MARCHF8: variants seen among roughly 807,000 people sequenced by gnomAD.
The protein encoded by MARCHF8 is membrane associated ring-CH-type finger 8, also known as E3 ubiquitin-protein ligase MARCHF8.
In MARCHF8, 40 loss-of-function variants were observed where a neutral mutation model predicts 51.6. The ratio of observed to expected loss-of-function variants is 0.77; its 90% CI spans 0.60 to 1.01. The LOEUF (loss-of-function observed/expected upper bound fraction) is 1.01, where lower values mean the gene tolerates loss of function less well. Among genes scored for constraint, MARCHF8 ranks in the 50% least tolerant of loss-of-function variants. The probability of loss-of-function intolerance (pLI) is 0.00; values close to 1 mark genes in which losing one functional copy is unlikely to be tolerated. For synonymous variants in MARCHF8, 263 were observed against 280.3 expected, an observed-to-expected ratio of 0.94 and a Z score of 0.62; for missense variants, 685 against 708.6, an observed-to-expected ratio of 0.97 and a Z score of 0.38.
chr10:45,520,090 T>G (rs2043683398), intron 2 of MARCHF8, among the ~76,000 whole-genome samples: 1 of 152,170 alleles, frequency 6.6e-6, no homozygotes, highest in Admixed American at 6.5e-5. Context: ...TACCCAACCT[T>G]TTTGATTCTC....
chr10:45,551,595 A>G (rs1376011375), intron 1 of MARCHF8, among the ~76,000 whole-genome samples: 1 of 152,072 alleles, frequency 6.6e-6, no homozygotes, highest in Non-Finnish European at 1.5e-5. Flanking sequence ...GTGGGCCTCA[A>G]CCAATCAGTT....
intron 2 of MARCHF8, among the ~76,000 whole-genome samples, chr10:45,517,098 A>G (rs4949005): frequency 0.75 from 113,775 of 152,186 alleles, 42,636 homozygotes; most frequent in Middle Eastern, 0.79. Context: ...TAGCACAACA[A>G]GAAGTCAAAA....
chr10:45,562,874 G>C (rs1428876768), intron 1 of MARCHF8, among the ~76,000 whole-genome samples: 1 of 151,704 alleles, frequency 6.6e-6, no homozygotes, highest in Non-Finnish European at 1.5e-5. Context: ...CATGAGGAAG[G>C]GGAGGTCATT....
intron 3 of MARCHF8, among the ~76,000 whole-genome samples, chr10:45,482,105 TC>T (rs2133048463): frequency 6.6e-6 from 1 of 152,118 alleles, no homozygotes; most frequent in South Asian, 2.1e-4. Flanking sequence ...ATAAATTTAA[TC>T]AAAGAGGTGA....
At chr10:45,493,835 C>G (rs1361175994) in intron 2 of MARCHF8, among the ~76,000 whole-genome samples, 2 of 152,150 alleles carry the variant, frequency 1.3e-5, no homozygotes, top group African/African-American at 4.8e-5. Context: ...AGGACAGTAG[C>G]TATTCACGAG....
Position 45,484,815 on chromosome 10 carries a change from A to G in MARCHF8, c.153+4552T>C, listed in dbSNP as rs561802450. Among the ~76,000 whole-genome samples, 5 of 152,324 alleles carry G rather than the reference A, an allele frequency of 3.3e-5. 1 individual carries two copies. The South Asian group carries it at 1.0e-3, about 32-fold the overall frequency. ...GAATTTGGCTTGTTTGAAAATCATC[A>G]AGGTAGACACCATACCTAGATCATC... On this transcript the variant is annotated intron_variant, in intron 3 of 7. Transcript: ENST00000453424.
At chr10:45,580,260 G>A (rs1487454206) in intron 1 of MARCHF8, among the ~76,000 whole-genome samples, 1 of 152,020 alleles carries the variant, frequency 6.6e-6, no homozygotes, top group Non-Finnish European at 1.5e-5. Flanking sequence ...CATAATAAAT[G>A]TTAAGAGAAT....
At chr10:45,523,526 AAAT>A (rs1260226111) in intron 2 of MARCHF8, among the ~76,000 whole-genome samples, 2 of 152,240 alleles carry the variant, frequency 1.3e-5, no homozygotes, top group African/African-American at 4.8e-5. Flanking sequence ...TCTCTAAACT[AAAT>A]AAATAAAAAC....
At chr10:45,580,307 T>TA (rs918080569) in intron 1 of MARCHF8, among the ~76,000 whole-genome samples, 64 of 147,752 alleles carry the variant, frequency 4.3e-4, no homozygotes, top group East Asian at 9.8e-4. Context: ...TGATCTTAAG[T>TA]AAAAAAAAAA....
At chr10:45,537,256 C>T (rs553159148), upstream of MARCHF8, among the ~76,000 whole-genome samples, 209 of 152,192 alleles carry the variant, frequency 1.4e-3, no homozygotes, top group African/African-American at 4.6e-3. Context: ...AAATGATAAA[C>T]GGATAAATCA....
chr10:45,566,215 GAAGT>G (rs1397452720), intron 1 of MARCHF8, among the ~76,000 whole-genome samples: 11 of 152,160 alleles, frequency 7.2e-5, no homozygotes, highest in African/African-American at 2.7e-4. Flanking sequence ...TAAGCAATGT[GAAGT>G]AAGTACATCA....
chr10:45,544,232 T>A (rs2044092811), intron 1 of MARCHF8, among the ~76,000 whole-genome samples: 2 of 152,154 alleles, frequency 1.3e-5, no homozygotes, highest in African/African-American at 4.8e-5. Context: ...TACTAATTGT[T>A]TGATATAGAA....
chr10:45,488,127 TA>T (rs2043017108), intron 3 of MARCHF8, among the ~76,000 whole-genome samples: 1 of 152,038 alleles, frequency 6.6e-6, no homozygotes, highest in Non-Finnish European at 1.5e-5. Flanking sequence ...CCTGGTGCGC[TA>T]AAAAGACCAC....
At chr10:45,521,087 T>G (rs1163574174) in intron 2 of MARCHF8, among the ~76,000 whole-genome samples, 1 of 152,202 alleles carries the variant, frequency 6.6e-6, no homozygotes, top group African/African-American at 2.4e-5. Context: ...TTTCATCACT[T>G]GAAACTCACT....
intron 2 of MARCHF8, among the ~76,000 whole-genome samples, chr10:45,499,123 A>T (rs1454224094): frequency 6.6e-6 from 1 of 152,178 alleles, no homozygotes; most frequent in Non-Finnish European, 1.5e-5. Flanking sequence ...ACATTTTTAA[A>T]ATATATATAA....
intron 2 of MARCHF8, among the ~76,000 whole-genome samples, chr10:45,526,370 C>T (rs1254983171): frequency 6.6e-6 from 1 of 152,188 alleles, no homozygotes; most frequent in Non-Finnish European, 1.5e-5. Context: ...TCCACATTCC[C>T]ACCATGGACT....
Position 45,491,343 on chromosome 10 carries a change from G to A in MARCHF8, c.103-1926C>T, listed in dbSNP as rs576104392. On this transcript the variant is annotated intron_variant, in intron 2 of 7. Transcript: ENST00000453424. ...GCCTGAGGTCAGTAGTTTGAGACCC[G>A]CCTGACCAACATGGTGAAACACCGT... Among the ~76,000 whole-genome samples, 22 of 152,282 alleles carry A rather than the reference G, an allele frequency of 1.4e-4. No homozygotes were observed. In the South Asian group the frequency reaches 3.9e-3, roughly 27 times the overall value.
At chr10:45,588,190 A>C (rs566762788) in intron 1 of MARCHF8, among the ~76,000 whole-genome samples, 1 of 152,132 alleles carries the variant, frequency 6.6e-6, no homozygotes, top group Non-Finnish European at 1.5e-5. Flanking sequence ...AAATCCTTAC[A>C]AACTGTGAAA....
In MARCHF8 at chr10:45,568,556, T is replaced by C. The variant is rs563968458; in HGVS notation, c.-79+25679A>G. 4.0e-5 allele frequency among the ~76,000 whole-genome samples: 6 copies of C among 151,790 alleles called. No individual in the cohort carries two copies. The East Asian group carries it at 7.8e-4, about 20-fold the overall frequency. ...CAACGTGGTGAAACCCCATGCCTAC[T>C]AAAAATACAAAAATTAGCTGGGTGT... On this transcript the variant is annotated intron_variant, in intron 1 of 6. Transcript: ENST00000319836.
Sources: gnomAD v4.1 joint callset for allele counts (sites outside exome capture counted in the v4.1 genomes callset) on GRCh38, gnomAD v4.1.1 for gene constraint, MANE v1.5 for transcripts, NCBI Gene and HGNC (gene_info 2026-07-23, HGNC 2026-07-21) for gene names.